The following FNBP1 variants were observed in gnomAD, a reference collection of about 807,000 sequenced individuals.
FNBP1 encodes the protein formin binding protein 1, also known as formin-binding protein 1.
A neutral mutation model predicts 90.6 loss-of-function variants in FNBP1; 26 were observed. The ratio of observed to expected loss-of-function variants is 0.29; its 90% CI spans 0.21 to 0.40. The LOEUF (loss-of-function observed/expected upper bound fraction) is 0.40. Among genes scored for constraint, FNBP1 ranks in the 10% least tolerant of loss-of-function variants. The pLI is 1.00. For missense variants in FNBP1, 635 were observed against 768.0 expected (o/e 0.83, Z 2.05); for synonymous variants, 260 against 265.2 (o/e 0.98, Z 0.19).
Position 130,042,771 on chromosome 9 carries a change from C to T in FNBP1, c.24+181G>A, listed in dbSNP as rs1308428002. 1.3e-5 allele frequency among the ~76,000 whole-genome samples: 2 copies of T among 151,822 alleles called. No homozygotes were observed. Among genetic ancestry groups the T allele is most frequent in the Non-Finnish European group, 2.9e-5 (2 of 67,916 alleles). ...CCTCCGAAGGACAAGCCGGCCCGCACCTCCTGCTCGGGCCAAGGCGGACGA... is the reference window on the plus strand; with the variant it reads ...CCTCCGAAGGACAAGCCGGCCCGCATCTCCTGCTCGGGCCAAGGCGGACGA... On this transcript the variant is annotated intron_variant, in intron 1 of 16. Coordinates refer to ENST00000446176, the MANE Select transcript of FNBP1 (RefSeq NM_015033.3). This position sits in a 1 kb window ranked among gnomAD's most constrained non-coding sequence, Gnocchi z 5.5.
chr9:129,982,601 C>T (rs1160357455), intron 2 of FNBP1, among the ~76,000 whole-genome samples: 3 of 152,242 alleles, frequency 2.0e-5, no homozygotes, highest in Non-Finnish European at 4.4e-5. Context: ...ATTGGAAAAA[C>T]GTAGTGGCTG....
the FNBP1 span, among the ~76,000 whole-genome samples, chr9:130,049,537 A>G: frequency 6.6e-6 from 1 of 152,008 alleles, no homozygotes; most frequent in Non-Finnish European, 1.5e-5. Flanking sequence ...AACATGGCGA[A>G]ACCGTCTCCA....
intron 15 of FNBP1, among the ~76,000 whole-genome samples, chr9:129,897,831 TTTTC>T (rs1445819191): frequency 2.0e-5 from 3 of 152,070 alleles, no homozygotes; most frequent in East Asian, 1.9e-4. Flanking sequence ...CTAGTTTATC[TTTTC>T]TTTCTTTTTT....
chr9:129,963,995 T>G (rs1382735954), intron 4 of FNBP1, among the ~76,000 whole-genome samples: 1 of 152,066 alleles, frequency 6.6e-6, no homozygotes, highest in Non-Finnish European at 1.5e-5. Flanking sequence ...GGGGGATCCT[T>G]CAGGAAATTA....
chr9:129,923,154 C>T (rs950736481), intron 10 of FNBP1, among the ~76,000 whole-genome samples: 24 of 152,182 alleles, frequency 1.6e-4, no homozygotes, highest in Non-Finnish European at 2.5e-4. Context: ...TGAACTATCA[C>T]GCCCAGTCTC....
chr9:129,927,964 G>A (rs2042168618), intron 7 of FNBP1, among the ~76,000 whole-genome samples: 2 of 152,140 alleles, frequency 1.3e-5, no homozygotes, highest in Admixed American at 6.5e-5. Flanking sequence ...TACCTCAAAC[G>A]TTTTCTCCAT....
Position 130,031,724 on chromosome 9 carries a change from C to A in FNBP1, c.24+11228G>T, listed in dbSNP as rs2058816558. 6.6e-6 allele frequency among the ~76,000 whole-genome samples: 1 copy of A among 152,044 alleles called. No individual in the cohort carries two copies. The highest frequency in any genetic ancestry group is 2.4e-5 in the African/African-American group (1 of 41,392). ...TTGCCCAGGCTGGAGTGCAGTGGCACAATCTCAGTTCACTGCAACATCCAC... is the reference window on the plus strand; with the variant it reads ...TTGCCCAGGCTGGAGTGCAGTGGCAAAATCTCAGTTCACTGCAACATCCAC... On this transcript the variant is annotated intron_variant, in intron 1 of 16. Transcript: ENST00000446176. This position sits in a 1 kb window ranked among gnomAD's most constrained non-coding sequence, Gnocchi z 4.2.
In FNBP1 at chr9:129,939,999, G is replaced by C. The variant is rs536586675; in HGVS notation, c.514-10304C>G. Among the ~76,000 whole-genome samples the C allele has an allele frequency of 3.3e-5, 5 of 151,954 alleles. No individual in the cohort carries two copies. The East Asian group carries it at 9.6e-4, about 29-fold the overall frequency. ...GAGGATCACTTGAGGCCAGGAGTTCGAGACCAGCCTAGGTAACATAGTGAG... is the reference window on the plus strand; with the variant it reads ...GAGGATCACTTGAGGCCAGGAGTTCCAGACCAGCCTAGGTAACATAGTGAG... On this transcript the variant is annotated intron_variant, in intron 6 of 16. Transcript: ENST00000446176.
intron 9 of FNBP1, among the ~76,000 whole-genome samples, chr9:129,924,248 T>C (rs2041549648): frequency 6.6e-6 from 1 of 152,154 alleles, no homozygotes; most frequent in African/African-American, 2.4e-5. Flanking sequence ...GCAAGAAATA[T>C]CTGACAAGAA....
At position 130,041,044 on chromosome 9, in the gene FNBP1, C is replaced by T. The variant is rs1381663678; in HGVS notation, c.24+1908G>A. On this transcript the variant is annotated intron_variant, in intron 1 of 16. Transcript: ENST00000446176. The surrounding 1 kb of genome is among the most constrained non-coding windows in gnomAD (Gnocchi z 4.3). Reference sequence around the variant, plus strand: ...AAGAGGAGGCCTCTCCAGATATTCCCCAAGCTGTTCTTGAACTCCTGGGCC... The same window carrying T: ...AAGAGGAGGCCTCTCCAGATATTCCTCAAGCTGTTCTTGAACTCCTGGGCC... 6.7e-6 allele frequency among the ~76,000 whole-genome samples: 1 copy of T among 149,768 alleles called. No homozygotes were observed. The highest frequency in any genetic ancestry group is 1.5e-5 in the Non-Finnish European group (1 of 67,644).
chr9:129,916,245 T>C (rs2040237573), intron 10 of FNBP1: 2 of 495,160 alleles, frequency 4.0e-6, no homozygotes, highest in Admixed American at 3.5e-5. Context: ...GGGTTTCTGT[T>C]ACAGGCCTGT....
intron 11 of FNBP1, 81 bp from the exon 12 acceptor site, chr9:129,909,080 T>TG (rs3215850): frequency 0.78 from 656,480 of 838,978 alleles, 259,938 homozygotes; most frequent in East Asian, 0.84. Context: ...CCTGCAGCCA[T>TG]GGGGGGTGCA....
intron 2 of FNBP1, among the ~76,000 whole-genome samples, chr9:129,983,583 G>A (rs975495528): frequency 6.6e-6 from 1 of 152,160 alleles, no homozygotes; most frequent in African/African-American, 2.4e-5. Context: ...CACTTTGGGA[G>A]GCCGAGGCAG....
chr9:129,942,123 T>C (rs758706492), intron 6 of FNBP1, among the ~76,000 whole-genome samples: 4 of 150,184 alleles, frequency 2.7e-5, no homozygotes, highest in South Asian at 2.1e-4. Context: ...GAGAAAACAA[T>C]TGTCAACCTA....
chr9:129,953,772 AAAAGGGTAATGGAATAAATCC>A (rs2046518508), intron 6 of FNBP1, among the ~76,000 whole-genome samples: 1 of 151,838 alleles, frequency 6.6e-6, no homozygotes, highest in Non-Finnish European at 1.5e-5. Context: ...AGAACTTTTT[AAAAGGGTAATGGAATAAATCC>A]AAAGGTAATG....
chr9:129,914,087 C>T (rs925178325), intron 11 of FNBP1, among the ~76,000 whole-genome samples: 27 of 151,702 alleles, frequency 1.8e-4, no homozygotes, highest in African/African-American at 4.8e-4. Flanking sequence ...AACTCCTGGG[C>T]GCAAATGATC....
At chr9:129,905,964 A>C (rs941308185) in intron 12 of FNBP1, among the ~76,000 whole-genome samples, 1 of 149,850 alleles carries the variant, frequency 6.7e-6, no homozygotes, top group Non-Finnish European at 1.5e-5. Flanking sequence ...GCTCACTGCA[A>C]CCTCTGCCTC....
At chr9:130,052,043 AACTATGAAATC>A in the FNBP1 span, among the ~76,000 whole-genome samples, 1 of 152,212 alleles carries the variant, frequency 6.6e-6, no homozygotes, top group Non-Finnish European at 1.5e-5. Flanking sequence ...CTTTTCTTGA[AACTATGAAATC>A]ACATGGCTAA....
intron 10 of FNBP1, among the ~76,000 whole-genome samples, chr9:129,923,553 T>G (rs1240611418): frequency 6.7e-6 from 1 of 148,786 alleles, no homozygotes; most frequent in Admixed American, 6.7e-5. Context: ...CACTCCAGCC[T>G]GGTGACAGAG....
Sources: gnomAD v4.1 joint callset for allele counts (sites outside exome capture counted in the v4.1 genomes callset) on GRCh38, gnomAD v4.1.1 for gene constraint, Gnocchi (gnomAD v3.1) non-coding constraint, MANE v1.5 for transcripts, NCBI Gene and HGNC (gene_info 2026-07-23, HGNC 2026-07-21) for gene names.